ZC3H13: variants seen among roughly 807,000 people sequenced by gnomAD.
ZC3H13 encodes the protein zinc finger CCCH-type containing 13.
In ZC3H13, 64 loss-of-function variants were observed where a neutral mutation model predicts 204.1. That is an observed-to-expected ratio of 0.31 (90% CI 0.26 to 0.39). ZC3H13 has a LOEUF of 0.39. ZC3H13 is among the 10% of genes least tolerant of loss of function. The pLI, the probability that ZC3H13 is intolerant of heterozygous loss-of-function variation, is 1.00. For missense variants in ZC3H13, 1,833 were observed against 2,082.7 expected, an observed-to-expected ratio of 0.88 and a Z score of 2.33; for synonymous variants, 667 against 693.7, an observed-to-expected ratio of 0.96 and a Z score of 0.60.
At chr13:45,970,081 G>T in intron 13 of ZC3H13, 110 bp from the exon 14 acceptor site, 1 of 1,348,034 alleles carries the variant, frequency 7.4e-7, no homozygotes, top group Non-Finnish European at 9.9e-7. Flanking sequence ...GACTTTGGGA[G>T]GCCGAGGCAG....
chr13:46,016,823 TAGG>T (rs2041938291), intron 5 of ZC3H13, among the ~76,000 whole-genome samples: 1 of 152,118 alleles, frequency 6.6e-6, no homozygotes, highest in African/African-American at 2.4e-5. Context: ...GGGATGGGAT[TAGG>T]AGGTTATTTT....
At chr13:45,968,624 A>ATAAAG in intron 14 of ZC3H13, 124 bp downstream of exon 14, 1 of 1,316,906 alleles carries the variant, frequency 7.6e-7, no homozygotes, top group Non-Finnish European at 1.0e-6. Flanking sequence ...CTTTTCTTTA[A>ATAAAG]AAAGTTGCAT....
At chr13:45,993,309 T>C (rs1232305053) in intron 8 of ZC3H13, among the ~76,000 whole-genome samples, 1 of 152,204 alleles carries the variant, frequency 6.6e-6, no homozygotes, top group East Asian at 1.9e-4. Flanking sequence ...TTCTAGCCCT[T>C]GATCACAAAA....
Position 46,003,290 on chromosome 13 carries a change from T to A in ZC3H13, c.793A>T (p.Ser265Cys). 6.2e-7 allele frequency: 1 copy of A among 1,612,468 alleles called. No individual in the cohort carries two copies. The highest frequency in any genetic ancestry group is 8.5e-7 in the Non-Finnish European group (1 of 1,179,630). Reference sequence around the variant, plus strand: ...TCTTCTGGTATAGGAGGGGGTGGACTAGGAGTACGTGGTCCTTTCTTTTTA... The same window carrying A: ...TCTTCTGGTATAGGAGGGGGTGGACAAGGAGTACGTGGTCCTTTCTTTTTA... ...QSKKKGPRTP[S>C]PPPPIPEDIA... Residue 265 changes from serine to cysteine, a missense_variant, in exon 8 of 19, where the codon AGT (serine) becomes TGT (cysteine). Ser to Cys is a moderately radical substitution (Grantham distance 112). Coordinates refer to ENST00000679008, the MANE Select transcript of ZC3H13 (RefSeq NM_001330564.2).
chr13:45,959,501 C>T lies in ZC3H13; in HGVS notation c.4821G>A (p.Gln1607=). The T allele has an allele frequency of 6.5e-7, 1 of 1,542,300 alleles. No individual in the cohort carries two copies. The highest frequency in any genetic ancestry group is 8.7e-7 in the Non-Finnish European group (1 of 1,143,908). ...ACAGTACCTTCTCATTTTTAACAAG[C>T]TGCTTTCGAATTGCAGAATCCCGTC... is the stretch of plus-strand genomic sequence containing the variant. The part of the protein sequence containing the change: ...CFRRDSAIRK[Q]LVKNEKGTIK... The change falls in exon 18 of 19, where the codon CAG becomes CAA. Residue 1607 remains glutamine (Q), a synonymous_variant. Coordinates refer to ENST00000679008, the MANE Select transcript of ZC3H13 (RefSeq NM_001330564.2).
At chr13:45,997,799 C>T (rs998077882) in intron 8 of ZC3H13, among the ~76,000 whole-genome samples, 1 of 151,852 alleles carries the variant, frequency 6.6e-6, no homozygotes, top group Non-Finnish European at 1.5e-5. Flanking sequence ...CGCTTATATC[C>T]AGTAAGCCTA....
At chr13:45,957,896 C>T (rs1467394373) in intron 18 of ZC3H13, among the ~76,000 whole-genome samples, 1 of 152,190 alleles carries the variant, frequency 6.6e-6, no homozygotes, top group African/African-American at 2.4e-5. Context: ...TACTACCTCC[C>T]TTATACTAAA....
intron 8 of ZC3H13, among the ~76,000 whole-genome samples, chr13:45,993,940 T>A (rs1031128039): frequency 1.2e-4 from 18 of 152,210 alleles, no homozygotes; most frequent in African/African-American, 4.3e-4. Flanking sequence ...ACTAAGGTAC[T>A]AATAATTTTG....
chr13:46,038,147 T>C (rs1287010237), intron 4 of ZC3H13, among the ~76,000 whole-genome samples: 1 of 151,066 alleles, frequency 6.6e-6, no homozygotes, highest in Non-Finnish European at 1.5e-5. Flanking sequence ...ACTGATAATC[T>C]GGTCCTAATC....
intron 10 of ZC3H13, among the ~76,000 whole-genome samples, chr13:45,982,171 C>T (rs1953697584): frequency 6.6e-6 from 1 of 151,856 alleles, no homozygotes; most frequent in African/African-American, 2.4e-5. Context: ...ATGTAACAGG[C>T]TTTTGAGACC....
Position 45,968,785 on chromosome 13 carries a change from C to A in ZC3H13, c.3759G>T (p.Gln1253His). The change falls in exon 14 of 19, where the codon CAG becomes CAT. Residue 1253 changes from glutamine to histidine, a missense_variant. Transcript: ENST00000679008. The stretch of plus-strand genomic sequence containing the variant: ...TTCGACTGGGTTCTCCACGCTTTAA[C>A]TGATCAATCCTAGATTTTCTCTCTC... ...ITGERKSRIDQLKRGEPSRST... is the reference protein window; with the variant it reads ...ITGERKSRIDHLKRGEPSRST... The A allele has an allele frequency of 6.2e-7, 1 of 1,609,982 alleles. No homozygotes were observed. Among genetic ancestry groups the A allele is most frequent in the Non-Finnish European group, 8.5e-7 (1 of 1,178,960 alleles).
intron 4 of ZC3H13, among the ~76,000 whole-genome samples, chr13:46,030,338 T>C (rs983273938): frequency 2.0e-5 from 3 of 152,194 alleles, no homozygotes; most frequent in African/African-American, 7.2e-5. Flanking sequence ...ATGTTCCCTC[T>C]CACTATTCCT....
chr13:46,014,117 G>A (rs1472632603), intron 5 of ZC3H13, among the ~76,000 whole-genome samples: 1 of 152,118 alleles, frequency 6.6e-6, no homozygotes, highest in African/African-American at 2.4e-5. Flanking sequence ...ATGGGTAAAA[G>A]CCTTAAGAAC....
At chr13:46,007,774 G>A (rs562227211) in intron 7 of ZC3H13, among the ~76,000 whole-genome samples, 26 of 152,232 alleles carry the variant, frequency 1.7e-4, no homozygotes, top group South Asian at 4.1e-4. Context: ...CAGACTTGTG[G>A]CAAAGAGCCC....
intron 5 of ZC3H13, among the ~76,000 whole-genome samples, chr13:46,019,460 T>C (rs2042096113): frequency 1.3e-5 from 2 of 152,176 alleles, no homozygotes; most frequent in Non-Finnish European, 2.9e-5. Context: ...TTAAGATCTT[T>C]AGTTTTGTCA....
rs769438120 is a variant in ZC3H13, at chr13:45,967,765, C to A, written c.4060G>T (p.Asp1354Tyr). Residue 1354 changes from aspartate (D) to tyrosine (Y), a missense_variant, in exon 15 of 19, where the codon GAC (aspartate) becomes TAC (tyrosine). By Grantham distance (160) the Asp-to-Tyr change is radical. This residue lies in a region of ZC3H13 where 1,574 missense variants were observed against 1,757.2 expected (regional missense o/e 0.90). Coordinates refer to ENST00000679008, the MANE Select transcript of ZC3H13 (RefSeq NM_001330564.2). ...AGTCTCTCTCTTTCCCTATCCAAGT[C>A]TCTCCTTTTGTCTCGTTCTCTCTCT... is the stretch of plus-strand genomic sequence containing the variant. Reference protein sequence around the residue: ...ERERERDKRRDLDRERERLIS... With the variant: ...ERERERDKRRYLDRERERLIS... 1.2e-6 allele frequency: 2 copies of A among 1,612,134 alleles called. No individual in the cohort carries two copies. The highest frequency in any genetic ancestry group is 8.5e-7 in the Non-Finnish European group (1 of 1,178,990).
At chr13:46,019,354 C>CT (rs2042091944) in intron 5 of ZC3H13, among the ~76,000 whole-genome samples, 1 of 152,034 alleles carries the variant, frequency 6.6e-6, no homozygotes, top group African/African-American at 2.4e-5. Flanking sequence ...TCCAATAAAA[C>CT]TTTTTTTGCA....
At chr13:46,042,119 A>G in intron 4 of ZC3H13, 45 bp downstream of exon 4, 1 of 1,445,102 alleles carries the variant, frequency 6.9e-7, no homozygotes, top group South Asian at 1.2e-5. Context: ...CAAATTAACA[A>G]ATCACTACTG....
At chr13:45,958,425 T>G (rs1393023532) in intron 18 of ZC3H13, among the ~76,000 whole-genome samples, 1 of 152,214 alleles carries the variant, frequency 6.6e-6, no homozygotes, top group Non-Finnish European at 1.5e-5. Context: ...CTGAAATGCT[T>G]TGGACCAGAA....
Sources: gnomAD v4.1 joint callset for allele counts (sites outside exome capture counted in the v4.1 genomes callset) on GRCh38, gnomAD v4.1.1 for gene constraint, gnomAD v4.1.1 regional missense constraint, MANE v1.5 for transcripts, NCBI Gene and HGNC (gene_info 2026-07-23, HGNC 2026-07-21) for gene names.